Variants in BRF1 observed in about 807,000 individuals in gnomAD.
The protein encoded by BRF1 is transcription factor IIIB 90 kDa subunit.
Under a neutral mutation model 81.7 loss-of-function variants are expected in BRF1, and 59 were observed. The observed-to-expected ratio is 0.72, with a 90% confidence interval of 0.59 to 0.90. BRF1 has a LOEUF of 0.90. Ranked by LOEUF, BRF1 falls within the 40% of genes least tolerant of loss-of-function variation. BRF1 has a pLI of 0.00. For missense variants in BRF1, 1,050 were observed against 936.3 expected (o/e 1.12, Z -1.58); for synonymous variants, 491 against 395.6 (o/e 1.24, Z -2.86).
chr14:105,273,495 T>G (rs587687413), intron 2 of BRF1, among the ~76,000 whole-genome samples: 1 of 152,302 alleles, frequency 6.6e-6, no homozygotes, highest in South Asian at 2.1e-4. Context: ...GAGGTCAGAC[T>G]GTTACTGTGT....
chr14:105,228,542 T>C (rs1360100343), intron 7 of BRF1, among the ~76,000 whole-genome samples: 1 of 128,660 alleles, frequency 7.8e-6, no homozygotes, highest in African/African-American at 3.1e-5. Context: ...AGGCTGTTCC[T>C]CAAAAAAAAA....
At chr14:105,292,027 G>C (rs1437889866) in intron 1 of BRF1, among the ~76,000 whole-genome samples, 1 of 152,092 alleles carries the variant, frequency 6.6e-6, no homozygotes, top group African/African-American at 2.4e-5. Flanking sequence ...GTCTCACTCT[G>C]TCACCCAGGC....
intron 6 of BRF1, among the ~76,000 whole-genome samples, 182 bp from the exon 7 acceptor site, chr14:105,229,095 C>T (rs587641577): frequency 6.6e-6 from 1 of 152,348 alleles, no homozygotes; most frequent in Non-Finnish European, 1.5e-5. Flanking sequence ...CCCTCTCTAT[C>T]TTATTGTGGG....
chr14:105,261,810 G>A (rs1166430599), intron 3 of BRF1, among the ~76,000 whole-genome samples: 2 of 152,200 alleles, frequency 1.3e-5, no homozygotes, highest in Non-Finnish European at 1.5e-5. Flanking sequence ...GGACTGGAGA[G>A]GGGGACTGCG....
intron 6 of BRF1, 106 bp from the exon 7 acceptor site, chr14:105,229,019 T>G (rs995703417): frequency 1.0e-6 from 1 of 991,346 alleles, no homozygotes; most frequent in East Asian, 2.4e-5. Flanking sequence ...GATGATGGCC[T>G]GAGAAGACGT....
At chr14:105,215,148 C>T (rs747290364) in intron 15 of BRF1, among the ~76,000 whole-genome samples, 2 of 152,186 alleles carry the variant, frequency 1.3e-5, no homozygotes, top group African/African-American at 2.4e-5. Context: ...TGCACGAACA[C>T]GCAGATGTGT....
chr14:105,253,304 G>A (rs1457784667), intron 4 of BRF1, among the ~76,000 whole-genome samples: 1 of 152,210 alleles, frequency 6.6e-6, no homozygotes, highest in Non-Finnish European at 1.5e-5. Context: ...TCTGCTGGCA[G>A]GTGTGGATGA....
At chr14:105,296,382 G>A (rs1468283478) in intron 1 of BRF1, among the ~76,000 whole-genome samples, 1 of 152,014 alleles carries the variant, frequency 6.6e-6, no homozygotes, top group Non-Finnish European at 1.5e-5. Flanking sequence ...GCGTGGTGCT[G>A]GGCGCCTGTA....
intron 6 of BRF1, among the ~76,000 whole-genome samples, chr14:105,229,581 G>A (rs587755143): frequency 2.6e-5 from 4 of 152,340 alleles, no homozygotes; most frequent in South Asian, 2.1e-4. Flanking sequence ...GTGAGAGTCT[G>A]AGTGACAGCT....
intron 4 of BRF1, among the ~76,000 whole-genome samples, chr14:105,255,050 C>CT (rs1290111002): frequency 6.6e-6 from 1 of 152,212 alleles, no homozygotes; most frequent in African/African-American, 2.4e-5. Context: ...TCGTGGGTGT[C>CT]TGATGAGCTG....
chr14:105,302,413 G>A (rs926185468), upstream of BRF1, among the ~76,000 whole-genome samples: 3 of 151,706 alleles, frequency 2.0e-5, no homozygotes, highest in African/African-American at 7.3e-5. Context: ...ATGTTGGTCA[G>A]GCCAGTCTTG....
upstream of BRF1, among the ~76,000 whole-genome samples, chr14:105,305,941 T>C (rs2058174222): frequency 6.6e-6 from 1 of 152,188 alleles, no homozygotes; most frequent in African/African-American, 2.4e-5. Context: ...CGTGCAGTGA[T>C]CTCCGCTCTG....
At chr14:105,214,827 C>G (rs1188127598) in intron 15 of BRF1, among the ~76,000 whole-genome samples, 1 of 152,180 alleles carries the variant, frequency 6.6e-6, no homozygotes, top group Non-Finnish European at 1.5e-5. Flanking sequence ...TCCCCACCAC[C>G]CCTCCCCACG....
intron 1 of BRF1, chr14:105,314,947 C>A: frequency 8.5e-7 from 1 of 1,170,748 alleles, no homozygotes; most frequent in South Asian, 1.9e-5. Context: ...CTCGGCCTCC[C>A]CGGCGCGCCC....
chr14:105,220,015 G>A, intron 12 of BRF1, 54 bp downstream of exon 12: 1 of 1,600,164 alleles, frequency 6.2e-7, no homozygotes, highest in Admixed American at 1.7e-5. Flanking sequence ...GGCTCCTTGG[G>A]CTGCAGCGCC....
At chr14:105,262,970 G>A (rs587707736) in intron 3 of BRF1, among the ~76,000 whole-genome samples, 1 of 152,184 alleles carries the variant, frequency 6.6e-6, no homozygotes, top group East Asian at 1.9e-4. Context: ...GCTGGACACG[G>A]TGGCTCACGC....
chr14:105,310,509 G>A lies in BRF1; in HGVS notation c.-162+4813C>T, dbSNP rs181991823. On this transcript the variant is annotated intron_variant, in intron 1 of 17. Transcript: ENST00000327359. ...GGCACCACTGCACTCCAGCCTGGGC[G>A]ACAGACAGAGCGAGACTCTGTCTCA... 1.9e-4 allele frequency among the ~76,000 whole-genome samples: 22 copies of A among 115,458 alleles called. No homozygotes were observed. In the East Asian group the frequency reaches 2.2e-3, roughly 11 times the overall value. 75.7% of individuals were successfully genotyped at this position (115,458 alleles called of 152,430 possible).
At chr14:105,310,462 AGAGCTTGCAGT>A (rs2058321798) in intron 1 of BRF1, among the ~76,000 whole-genome samples, 1 of 146,070 alleles carries the variant, frequency 6.8e-6, no homozygotes, top group South Asian at 2.2e-4. Flanking sequence ...CCCGGGAGGC[AGAGCTTGCAGT>A]GAGCTGAGAT....
intron 5 of BRF1, among the ~76,000 whole-genome samples, chr14:105,245,998 G>A (rs587688999): frequency 2.4e-4 from 37 of 152,210 alleles, no homozygotes; most frequent in African/African-American, 5.5e-4. Flanking sequence ...GAATGGAAGA[G>A]ACTATGTGCA....
Sources: gnomAD v4.1 joint callset for allele counts (sites outside exome capture counted in the v4.1 genomes callset) on GRCh38, gnomAD v4.1.1 for gene constraint, MANE v1.5 for transcripts, NCBI Gene and HGNC (gene_info 2026-07-23, HGNC 2026-07-21) for gene names.